The following TMEM117 variants were observed in gnomAD, a reference collection of about 807,000 sequenced individuals.
The protein encoded by TMEM117 is transmembrane protein 117.
In TMEM117, 27 loss-of-function variants were observed where a neutral mutation model predicts 52.4. That is an observed-to-expected ratio of 0.51 (90% confidence interval 0.38 to 0.71). TMEM117 has a LOEUF of 0.71. TMEM117 is among the 30% of genes least tolerant of loss of function. The pLI is 0.00. For synonymous variants in TMEM117, 215 were observed against 206.3 expected (o/e 1.04, Z -0.36); for missense variants, 556 against 630.5 (o/e 0.88, Z 1.26).
At chr12:44,151,991 AT>A (rs1472314257) in intron 4 of TMEM117, among the ~76,000 whole-genome samples, 1 of 105,566 alleles carries the variant, frequency 9.5e-6, no homozygotes, top group Non-Finnish European at 1.6e-5. Flanking sequence ...ATATATAAAC[AT>A]TATTATAAAT....
chr12:44,146,321 A>T (rs902226466), intron 4 of TMEM117, among the ~76,000 whole-genome samples: 2 of 152,120 alleles, frequency 1.3e-5, no homozygotes, highest in Non-Finnish European at 2.9e-5. Context: ...TGATAACTTC[A>T]CTTTTTTCTA....
chr12:44,393,037 G>C (rs1246892356), downstream of TMEM117, among the ~76,000 whole-genome samples: 1 of 152,048 alleles, frequency 6.6e-6, no homozygotes, highest in Non-Finnish European at 1.5e-5. Context: ...CTCCTAGAGA[G>C]AGATTCTGAA....
chr12:44,289,495 T>G (rs1455059520), intron 5 of TMEM117, among the ~76,000 whole-genome samples: 1 of 151,984 alleles, frequency 6.6e-6, no homozygotes, highest in African/African-American at 2.4e-5. Context: ...CTGAATCAAT[T>G]TACATTACCA....
At chr12:43,840,492 A>G (rs1435328687) in intron 1 of TMEM117, among the ~76,000 whole-genome samples, 2 of 151,944 alleles carry the variant, frequency 1.3e-5, no homozygotes, top group African/African-American at 2.4e-5. Flanking sequence ...CAGTCCTTGG[A>G]CTCCACTGCT....
At chr12:44,128,763 G>A (rs1398183864) in intron 3 of TMEM117, among the ~76,000 whole-genome samples, 1 of 152,170 alleles carries the variant, frequency 6.6e-6, no homozygotes. Flanking sequence ...TAAGCTGATT[G>A]TGTAGAAATA....
intron 6 of TMEM117, among the ~76,000 whole-genome samples, chr12:44,352,985 A>G (rs1402625785): frequency 6.6e-6 from 1 of 152,098 alleles, no homozygotes; most frequent in Non-Finnish European, 1.5e-5. Flanking sequence ...AATGATCGCC[A>G]TTCTAACTGG....
intron 6 of TMEM117, among the ~76,000 whole-genome samples, chr12:44,306,005 A>G (rs1293390426): frequency 6.6e-6 from 1 of 152,176 alleles, no homozygotes; most frequent in Non-Finnish European, 1.5e-5. Context: ...CCATCATCCT[A>G]AGTGAATTAA....
chr12:44,032,126 A>G (rs760373347), intron 3 of TMEM117, among the ~76,000 whole-genome samples: 14 of 152,226 alleles, frequency 9.2e-5, no homozygotes, highest in Admixed American at 3.3e-4. Flanking sequence ...GCTTTAAAAA[A>G]GTCTTAATTG....
intron 2 of TMEM117, among the ~76,000 whole-genome samples, chr12:43,918,845 C>T (rs778559106): frequency 6.6e-6 from 1 of 152,186 alleles, no homozygotes; most frequent in Non-Finnish European, 1.5e-5. Flanking sequence ...ATACCAAATC[C>T]ACTTTTCTGT....
chr12:43,884,050 C>G (rs1943945306), intron 2 of TMEM117, among the ~76,000 whole-genome samples: 1 of 151,034 alleles, frequency 6.6e-6, no homozygotes, highest in African/African-American at 2.4e-5. Context: ...GTGAGAGGCT[C>G]TCTTGGGCAC....
At position 44,227,856 on chromosome 12, in the gene TMEM117, C is replaced by A. The variant is rs536104876; in HGVS notation, c.608+16469C>A. Among the ~76,000 whole-genome samples the A allele has an allele frequency of 2.6e-5, 4 of 152,228 alleles. No individual in the cohort carries two copies. In the East Asian group the frequency reaches 7.8e-4, roughly 30 times the overall value. On this transcript the variant is annotated intron_variant, in intron 5 of 7. Coordinates refer to ENST00000266534, the MANE Select transcript of TMEM117 (RefSeq NM_032256.3). ...GCAGTGACTAAGCCTGTTTAGATTT[C>A]TTTTCCCAAGGCCCAGGATAGATTC...
At chr12:43,824,396 A>C in the TMEM117 span, among the ~76,000 whole-genome samples, 1 of 152,206 alleles carries the variant, frequency 6.6e-6, no homozygotes, top group Non-Finnish European at 1.5e-5. Flanking sequence ...GTCAGACTTC[A>C]CTTGGCCTGA....
In TMEM117 at chr12:44,209,118, A is replaced by G. The variant is rs543007496; in HGVS notation, c.511-2172A>G. Among the ~76,000 whole-genome samples, 10 of 152,298 alleles carry G rather than the reference A, an allele frequency of 6.6e-5. No homozygotes were observed. The South Asian group carries it at 2.1e-3, about 32-fold the overall frequency. On this transcript the variant is annotated intron_variant, in intron 4 of 7. Transcript: ENST00000266534. Reference sequence around the variant, plus strand: ...ACTAGACCTGTTATTAAAGAAGGTTATAAAGGAACAGTGGCTGAAATTGTT... The same window carrying G: ...ACTAGACCTGTTATTAAAGAAGGTTGTAAAGGAACAGTGGCTGAAATTGTT...
chr12:44,285,511 C>T (rs998872722), intron 5 of TMEM117, among the ~76,000 whole-genome samples: 5 of 152,182 alleles, frequency 3.3e-5, no homozygotes, highest in Non-Finnish European at 7.3e-5. Context: ...TGTACTCTTT[C>T]ACTAGGTCAC....
chr12:44,099,140 G>T (rs1947821224), intron 3 of TMEM117, among the ~76,000 whole-genome samples: 1 of 151,972 alleles, frequency 6.6e-6, no homozygotes, highest in South Asian at 2.1e-4. Flanking sequence ...TCAACCTGAA[G>T]TTATTTCCAC....
chr12:43,908,407 G>A (rs1452252315), intron 2 of TMEM117, among the ~76,000 whole-genome samples: 1 of 117,598 alleles, frequency 8.5e-6, no homozygotes, highest in African/African-American at 2.7e-5. Context: ...AAAATGTAAA[G>A]ACCATCGAGA....
intron 3 of TMEM117, among the ~76,000 whole-genome samples, chr12:44,125,297 C>T (rs1948305644): frequency 2.0e-5 from 3 of 151,918 alleles, no homozygotes; most frequent in African/African-American, 7.3e-5. Flanking sequence ...TTAGTAGAGA[C>T]GGGGTTTCAC....
At chr12:44,038,721 CATATTT>C (rs1356593345) in intron 3 of TMEM117, among the ~76,000 whole-genome samples, 1 of 152,164 alleles carries the variant, frequency 6.6e-6, no homozygotes, top group African/African-American at 2.4e-5. Flanking sequence ...GTGTAGAAAA[CATATTT>C]ATATCTGGTG....
At chr12:43,856,919 CCTT>C (rs1943410116) in intron 2 of TMEM117, among the ~76,000 whole-genome samples, 1 of 152,092 alleles carries the variant, frequency 6.6e-6, no homozygotes, top group Non-Finnish European at 1.5e-5. Flanking sequence ...CCAGGAACAC[CCTT>C]CTTCAGAGGG....
Sources: gnomAD v4.1 joint callset for allele counts (sites outside exome capture counted in the v4.1 genomes callset) on GRCh38, gnomAD v4.1.1 for gene constraint, MANE v1.5 for transcripts, NCBI Gene and HGNC (gene_info 2026-07-23, HGNC 2026-07-21) for gene names.